The following NR1H3 variants were observed in gnomAD, a reference collection of about 807,000 sequenced individuals.
NR1H3 encodes oxysterols receptor LXR-alpha.
A neutral mutation model predicts 48.1 loss-of-function variants in NR1H3; 19 were observed. That is an observed-to-expected ratio of 0.40 (90% CI 0.28 to 0.58). The LOEUF (loss-of-function observed/expected upper bound fraction) is 0.58. Ranked by LOEUF, NR1H3 falls within the 20% of genes least tolerant of loss-of-function variation. The pLI is 0.50. For missense variants in NR1H3, 486 were observed against 595.9 expected (o/e 0.82, Z 1.92); for synonymous variants, 232 against 227.3 (o/e 1.02, Z -0.19).
intron 1 of NR1H3, 76 bp downstream of exon 1, chr11:47,258,205 C>T: frequency 2.0e-6 from 2 of 985,152 alleles, no homozygotes; most frequent in Non-Finnish European, 2.4e-6. Flanking sequence ...TCCTAAGGAT[C>T]TGAGAAGGGG....
At position 47,268,257 on chromosome 11, in the gene NR1H3, A is replaced by G; in HGVS notation, c.1103-4A>G. ...TGCTCCTCAACTCTCTTGGTGACCT[A>G]TAGACCGGCCCAACGTGCAGGACCA... On this transcript the variant is annotated splice_region_variant and splice_polypyrimidine_tract_variant and intron_variant, in intron 8 of 9. Coordinates refer to ENST00000441012, the MANE Select transcript of NR1H3 (RefSeq NM_005693.4). 6.2e-7 allele frequency: 1 copy of G among 1,613,898 alleles called. No individual in the cohort carries two copies. Among genetic ancestry groups the G allele is most frequent in the Non-Finnish European group, 8.5e-7 (1 of 1,179,900 alleles).
upstream of NR1H3, among the ~76,000 whole-genome samples, chr11:47,256,654 TAAAAAAA>T (rs59002769): frequency 1.1e-5 from 1 of 92,136 alleles, no homozygotes; most frequent in African/African-American, 3.6e-5. Flanking sequence ...CCAAAAAAGG[TAAAAAAA>T]AAAAAAAAAA....
At chr11:47,267,791 G>A (rs1288812857) in intron 7 of NR1H3, 122 bp from the exon 8 acceptor site, 3 of 709,210 alleles carry the variant, frequency 4.2e-6, no homozygotes, top group African/African-American at 1.7e-5. Flanking sequence ...TTACAGGCGT[G>A]AGCCACTGTG....
chr11:47,267,879 G>C, intron 7 of NR1H3, 34 bp from the exon 8 acceptor site: 1 of 1,456,984 alleles, frequency 6.9e-7, no homozygotes, highest in Non-Finnish European at 9.6e-7. Flanking sequence ...TGCTGCTCCT[G>C]CTGCTTGCGT....
rs1360272909 is a variant in NR1H3, at chr11:47,259,931, G to A, written c.184G>A (p.Glu62Lys). ...GTAGVGLEAA[E>K]PTALLTRAEP... Reference sequence around the variant, plus strand: ...TGCAGGGGTGGGGCTGGAGGCTGCAGAGCCCACAGCCCTGCTCACCAGGGC... The same window carrying A: ...TGCAGGGGTGGGGCTGGAGGCTGCAAAGCCCACAGCCCTGCTCACCAGGGC... The change falls in exon 3 of 10, where the codon GAG becomes AAG. Residue 62 changes from glutamate (E) to lysine (K), a missense_variant. Physicochemically the swap from Glu to Lys is moderately conservative, Grantham distance 56. Coordinates refer to ENST00000441012, the MANE Select transcript of NR1H3 (RefSeq NM_005693.4). 1.2e-6 allele frequency: 2 copies of A among 1,603,100 alleles called. No homozygotes were observed. The highest frequency in any genetic ancestry group is 2.7e-5 in the African/African-American group (2 of 74,762).
Position 47,268,271 on chromosome 11 carries a change from C to T in NR1H3, c.1113C>T (p.Asn371=). The T allele has an allele frequency of 6.2e-7, 1 of 1,614,044 alleles. No individual in the cohort carries two copies. The highest frequency in any genetic ancestry group is 8.5e-7 in the Non-Finnish European group (1 of 1,179,982). ...AISIFSADRP[N]VQDQLQVERL... Reference sequence around the variant, plus strand: ...CTTGGTGACCTATAGACCGGCCCAACGTGCAGGACCAGCTCCAGGTAGAGA... The same window carrying T: ...CTTGGTGACCTATAGACCGGCCCAATGTGCAGGACCAGCTCCAGGTAGAGA... The change falls in exon 9 of 10, where the codon AAC becomes AAT. Residue 371 remains asparagine (N), a synonymous_variant. Transcript: ENST00000441012.
At chr11:47,255,571 TTCTTTCTTTCTTTCTTTCTTTCTTTCTC>T (rs1565178397), upstream of NR1H3, among the ~76,000 whole-genome samples, 1 of 84,330 alleles carries the variant, frequency 1.2e-5, no homozygotes, top group Non-Finnish European at 2.2e-5. Flanking sequence ...CTTTCTTTCT[TTCTTTCTTTCTTTCTTTCTTTCTTTCTC>T]TCTCTCTCTC....
intron 7 of NR1H3, among the ~76,000 whole-genome samples, chr11:47,265,629 T>G (rs1956384828): frequency 1.3e-5 from 2 of 152,172 alleles, no homozygotes; most frequent in South Asian, 4.1e-4. Flanking sequence ...ATCCCAGTAC[T>G]TTGGGAGGCC....
At chr11:47,248,862 C>A, upstream of NR1H3, 2 of 1,551,264 alleles carry the variant, frequency 1.3e-6, no homozygotes, top group Non-Finnish European at 1.7e-6. Flanking sequence ...CCCGGACGCA[C>A]CCGTAAGGAC....
upstream of NR1H3, among the ~76,000 whole-genome samples, chr11:47,253,103 C>A (rs1016820815): frequency 9.3e-6 from 1 of 106,982 alleles, no homozygotes; most frequent in African/African-American, 4.3e-5. Flanking sequence ...GGACTACAGG[C>A]AGATGCCACC....
chr11:47,266,846 G>A (rs899014422), intron 7 of NR1H3, among the ~76,000 whole-genome samples: 1 of 151,704 alleles, frequency 6.6e-6, no homozygotes. Context: ...TTGCCATGTC[G>A]GCCAGGCTGG....
chr11:47,265,172 T>A (rs142289341), intron 7 of NR1H3, among the ~76,000 whole-genome samples: 6,713 of 151,448 alleles, frequency 0.044, 206 homozygotes, highest in Non-Finnish European at 0.069. Context: ...TGCACACCTG[T>A]GGTCCCAGCT....
At position 47,262,153 on chromosome 11, in the gene NR1H3, G is replaced by A. The variant is rs144116366; in HGVS notation, c.988+135G>A. The A allele has an allele frequency of 5.9e-4, 374 of 632,560 alleles. 1 individual carries two copies. The African/African-American group carries it at 6.2e-3, about 11-fold the overall frequency. 39.2% of individuals were successfully genotyped at this position (632,560 alleles called of 1,614,324 possible). A position where few individuals can be genotyped will look rare whatever the true frequency, so the allele number is the denominator to read the frequency against. Reference sequence around the variant, plus strand: ...CCAGCACTTTGGGAGGCCGAGGTGGGCAGATCACCAGGTCAGTAGATCAAG... The same window carrying A: ...CCAGCACTTTGGGAGGCCGAGGTGGACAGATCACCAGGTCAGTAGATCAAG... On this transcript the variant is annotated intron_variant, in intron 7 of 9. Transcript: ENST00000441012.
intron 7 of NR1H3, among the ~76,000 whole-genome samples, chr11:47,262,508 C>CT (rs904810616): frequency 1.2e-4 from 18 of 147,478 alleles, no homozygotes; most frequent in Non-Finnish European, 2.6e-4. Context: ...CGGCCAAGTA[C>CT]TTTTTTTTTG....
At chr11:47,251,772 T>C (rs185942479) in intron 1 of NR1H3, among the ~76,000 whole-genome samples, 49 of 152,302 alleles carry the variant, frequency 3.2e-4, no homozygotes, top group African/African-American at 1.1e-3. Context: ...GCTCACCAAA[T>C]TTCAGCTATC....
chr11:47,259,560 C>T, intron 2 of NR1H3: 2 of 1,469,238 alleles, frequency 1.4e-6, no homozygotes, highest in African/African-American at 1.4e-5. Flanking sequence ...TACACTCCAG[C>T]CCCCCAAAGG....
At chr11:47,249,164 T>C (rs1214038790) in intron 1 of NR1H3, among the ~76,000 whole-genome samples, 2 of 152,010 alleles carry the variant, frequency 1.3e-5, no homozygotes, top group East Asian at 1.9e-4. Flanking sequence ...CTTGACCCCA[T>C]AGCTAGATCG....
intron 1 of NR1H3, chr11:47,258,960 G>C: frequency 1.4e-6 from 1 of 721,724 alleles, no homozygotes; most frequent in Non-Finnish European, 2.1e-6. Flanking sequence ...AGGATCACTT[G>C]AGCCCAGGAA....
chr11:47,255,547 T>C (rs1012516193), upstream of NR1H3, among the ~76,000 whole-genome samples: 4 of 55,748 alleles, frequency 7.2e-5, no homozygotes, highest in East Asian at 8.9e-4. Context: ...TTCTTTTTCT[T>C]TCTTTCTTTC....
Sources: gnomAD v4.1 joint callset for allele counts (sites outside exome capture counted in the v4.1 genomes callset) on GRCh38, gnomAD v4.1.1 for gene constraint, MANE v1.5 for transcripts, NCBI Gene and HGNC (gene_info 2026-07-23, HGNC 2026-07-21) for gene names.